Variants in SYNE1 observed in about 807,000 individuals in gnomAD.
SYNE1 encodes the protein nesprin-1.
SYNE1 carries 616 observed loss-of-function variants against 1,111.0 expected under a neutral mutation model. That is an observed-to-expected ratio of 0.55 (90% CI 0.52 to 0.59). The LOEUF (loss-of-function observed/expected upper bound fraction) is 0.59, where lower values mean the gene tolerates loss of function less well. SYNE1 is among the 20% of genes least tolerant of loss of function. SYNE1 has a pLI of 0.00. For synonymous variants in SYNE1, 3,855 were observed against 3,825.8 expected, an observed-to-expected ratio of 1.01 and a Z score of -0.28; for missense variants, 10,006 against 10,417.0, an observed-to-expected ratio of 0.96 and a Z score of 1.72.
chr6:152,241,527 T>TGTGTTTGTGA (rs59737931), intron 107 of SYNE1, among the ~76,000 whole-genome samples: 1 of 145,032 alleles, frequency 6.9e-6, no homozygotes, highest in East Asian at 2.0e-4. Flanking sequence ...TGTGTGTGTG[T>TGTGTTTGTGA]GTGAAATACG....
At position 152,217,746 on chromosome 6, in the gene SYNE1, A is replaced by G. The variant is rs142931092; in HGVS notation, c.22191+511T>C. On this transcript the variant is annotated intron_variant, in intron 121 of 145. Transcript: ENST00000367255. ...TGGAGAGGGACCAGCCGTGGAAAGG[A>G]GGAGTGAGGTGGTTTCCAGCGGTGG... 3.4e-3 allele frequency among the ~76,000 whole-genome samples: 524 copies of G among 152,114 alleles called. 4 individuals carry two copies. Among genetic ancestry groups the G allele is most frequent in the African/African-American group, 0.012 (491 of 41,500 alleles).
chr6:152,618,753 G>C (rs2099668000), intron 3 of SYNE1, among the ~76,000 whole-genome samples: 1 of 152,124 alleles, frequency 6.6e-6, no homozygotes, highest in South Asian at 2.1e-4. Context: ...ATTCAAAATT[G>C]TACATGGATA....
chr6:152,441,957 A>T, intron 31 of SYNE1, 118 bp downstream of exon 31: 1 of 1,248,168 alleles, frequency 8.0e-7, no homozygotes, highest in Non-Finnish European at 1.2e-6. Flanking sequence ...TACAGAATTT[A>T]ACACAGGGCT....
chr6:152,287,948 T>G (rs1215648023), intron 95 of SYNE1, among the ~76,000 whole-genome samples: 1 of 152,226 alleles, frequency 6.6e-6, no homozygotes, highest in Non-Finnish European at 1.5e-5. Flanking sequence ...TTGTTTATTA[T>G]ATATGCAAAG....
In SYNE1 at chr6:152,368,877, G is replaced by T. The variant is rs191026970; in HGVS notation, c.9807+95C>A. The T allele has an allele frequency of 2.5e-5, 38 of 1,515,614 alleles. 1 individual carries two copies. In the South Asian group the frequency reaches 4.1e-4, roughly 16 times the overall value. The allele number at this position is 1,515,614 out of a possible 1,614,324, so 93.9% of individuals were successfully genotyped here. ...TGACCTGGAGACCCACACTGTGGGC[G>T]GGTCAGGATGCAATGCACACCCTGC... On this transcript the variant is annotated intron_variant, in intron 61 of 145. Coordinates refer to ENST00000367255, the MANE Select transcript of SYNE1 (RefSeq NM_182961.4).
intron 8 of SYNE1, among the ~76,000 whole-genome samples, chr6:152,509,248 C>CTTTTTTTTTTTTTTTTTTT (rs11305679): frequency 2.6e-5 from 2 of 75,800 alleles, no homozygotes; most frequent in African/African-American, 4.8e-5. Context: ...TTTTCTTTTT[C>CTTTTTTTTTTTTTTTTTTT]TTTTTTTTTT....
intron 14 of SYNE1, chr6:152,480,719 C>A: frequency 6.6e-6 from 3 of 455,962 alleles, no homozygotes; most frequent in Middle Eastern, 6.5e-4. Flanking sequence ...TCACCTTGAA[C>A]CTGGCCTGAG....
rs141141950 is a variant in SYNE1, at chr6:152,330,594, C to T, written c.14091G>A (p.Met4697Ile). The change falls in exon 78 of 146, where the codon ATG becomes ATA. Residue 4697 changes from methionine to isoleucine, a missense_variant. By Grantham distance (10) the Met-to-Ile change is conservative (BLOSUM62 1). Transcript: ENST00000367255. ...LSELEAQFLR[M>I]SKVPTDLAVE... ...CGGCCAGGTCGGTGGGAACTTTGCTCATCCTCAAGAATTGGGCTTCAAGTT... is the reference window on the plus strand; with the variant it reads ...CGGCCAGGTCGGTGGGAACTTTGCTTATCCTCAAGAATTGGGCTTCAAGTT... 1 of 1,613,554 alleles carries T rather than the reference C, an allele frequency of 6.2e-7. No homozygotes were observed. The highest frequency in any genetic ancestry group is 1.7e-5 in the Admixed American group (1 of 60,000).
intron 30 of SYNE1, among the ~76,000 whole-genome samples, chr6:152,442,474 G>A (rs1316550242): frequency 1.3e-5 from 2 of 152,080 alleles, no homozygotes; most frequent in Non-Finnish European, 2.9e-5. Context: ...TTTGGCTTTC[G>A]TGTTTTGTGT....
At chr6:152,566,418 TAA>T (rs140609764) in intron 3 of SYNE1, among the ~76,000 whole-genome samples, 3 of 150,406 alleles carry the variant, frequency 2.0e-5, no homozygotes, top group African/African-American at 4.9e-5. Flanking sequence ...AAATCCACAT[TAA>T]AAAAAAATAG....
chr6:152,137,508 G>A (rs1294257143), intron 140 of SYNE1, among the ~76,000 whole-genome samples: 1 of 152,166 alleles, frequency 6.6e-6, no homozygotes, highest in Non-Finnish European at 1.5e-5. Context: ...TAACCAGTTA[G>A]GTTTGATTTC....
intron 12 of SYNE1, among the ~76,000 whole-genome samples, chr6:152,487,244 A>G (rs1203220923): frequency 6.6e-6 from 1 of 151,950 alleles, no homozygotes; most frequent in Non-Finnish European, 1.5e-5. Flanking sequence ...TTGTTCCTCC[A>G]TGTGTCCATG....
intron 3 of SYNE1, among the ~76,000 whole-genome samples, chr6:152,558,976 T>TTTTATTTATTTATTTTATTTA (rs1554911551): frequency 1.4e-5 from 2 of 139,990 alleles, no homozygotes; most frequent in African/African-American, 5.4e-5. Flanking sequence ...CATATTTAAT[T>TTTTATTTATTTATTTTATTTA]TTTATTTATT....
chr6:152,533,116 A>G (rs1185523496), intron 4 of SYNE1, among the ~76,000 whole-genome samples: 2 of 152,126 alleles, frequency 1.3e-5, no homozygotes, highest in Non-Finnish European at 2.9e-5. Flanking sequence ...AATGTTTCCA[A>G]TATCTTCAGA....
chr6:152,400,427 G>T (rs1158768927), intron 47 of SYNE1, among the ~76,000 whole-genome samples: 1 of 152,126 alleles, frequency 6.6e-6, no homozygotes, highest in Non-Finnish European at 1.5e-5. Context: ...ACTTTGGGAG[G>T]CTGAGGCCAG....
At chr6:152,430,458 A>G in intron 35 of SYNE1, 24 bp downstream of exon 35, 6 of 1,587,348 alleles carry the variant, frequency 3.8e-6, no homozygotes, top group Non-Finnish European at 5.2e-6. Context: ...ATGTAAACTT[A>G]AGTATAGGTG....
chr6:152,249,046 T>G, intron 105 of SYNE1, 115 bp downstream of exon 105: 1 of 765,300 alleles, frequency 1.3e-6, no homozygotes, highest in Non-Finnish European at 2.3e-6. Flanking sequence ...ACAAAAATAC[T>G]ACAAACAAAA....
intron 3 of SYNE1, among the ~76,000 whole-genome samples, chr6:152,548,015 A>G (rs1300820978): frequency 6.6e-6 from 1 of 152,216 alleles, no homozygotes; most frequent in African/African-American, 2.4e-5. Context: ...TTCATCAATT[A>G]TACCTCAATA....
At chr6:152,400,056 G>C (rs1162751502) in intron 47 of SYNE1, among the ~76,000 whole-genome samples, 1 of 151,974 alleles carries the variant, frequency 6.6e-6, no homozygotes, top group Non-Finnish European at 1.5e-5. Context: ...AGGAGGTGAG[G>C]TATAATTTAG....
Sources: gnomAD v4.1 joint callset for allele counts (sites outside exome capture counted in the v4.1 genomes callset) on GRCh38, gnomAD v4.1.1 for gene constraint, MANE v1.5 for transcripts, NCBI Gene and HGNC (gene_info 2026-07-23, HGNC 2026-07-21) for gene names.